Variants in INO80 observed in about 807,000 individuals in gnomAD.
INO80 encodes chromatin-remodeling ATPase INO80.
INO80 carries 20 observed loss-of-function variants against 203.4 expected under a neutral mutation model. The observed-to-expected ratio is 0.10, with a 90% CI of 0.07 to 0.14. The LOEUF is 0.14. Among genes scored for constraint, INO80 ranks in the 10% least tolerant of loss-of-function variants. The pLI is 1.00. For synonymous variants in INO80, 726 were observed against 685.2 expected, an observed-to-expected ratio of 1.06 and a Z score of -0.93; for missense variants, 1,419 against 1,914.4, an observed-to-expected ratio of 0.74 and a Z score of 4.83.
intron 28 of INO80, among the ~76,000 whole-genome samples, chr15:40,998,212 G>A (rs1210791726): frequency 1.3e-5 from 2 of 151,722 alleles, no homozygotes; most frequent in East Asian, 1.9e-4. Context: ...TAGTAGAGAC[G>A]GGGTTTCATC....
chr15:41,004,836 A>ACTTTTT (rs2044014532), intron 28 of INO80: 1 of 152,184 alleles, frequency 6.6e-6, no homozygotes, highest in Admixed American at 6.5e-5. Flanking sequence ...AATAAAAGGT[A>ACTTTTT]CTTTTTCTTA....
At chr15:41,100,547 T>C (rs967875102) in intron 1 of INO80, among the ~76,000 whole-genome samples, 5 of 152,188 alleles carry the variant, frequency 3.3e-5, no homozygotes, top group Admixed American at 3.3e-4. Flanking sequence ...CCAGAAATCA[T>C]CTTTGCAGCA....
At chr15:41,114,777 T>C (rs1482199654) in intron 1 of INO80, among the ~76,000 whole-genome samples, 1 of 151,606 alleles carries the variant, frequency 6.6e-6, no homozygotes, top group East Asian at 1.9e-4. Context: ...GAAAACACCA[T>C]GTTAAGTGAA....
chr15:41,041,598 G>A (rs1428600686), intron 24 of INO80, among the ~76,000 whole-genome samples: 4 of 151,434 alleles, frequency 2.6e-5, no homozygotes, highest in Non-Finnish European at 5.9e-5. Flanking sequence ...ACACCGCCAC[G>A]CCCAGCTAAT....
At chr15:40,987,772 C>A (rs2140414503) in intron 30 of INO80, 44 bp downstream of exon 30, 2 of 1,576,140 alleles carry the variant, frequency 1.3e-6, no homozygotes, top group Non-Finnish European at 1.7e-6. Context: ...GTTGGACTTT[C>A]TGTTTGCTCC....
chr15:41,055,211 T>C (rs766253010), intron 18 of INO80, 36 bp downstream of exon 18: 37 of 1,181,402 alleles, frequency 3.1e-5, no homozygotes, highest in Middle Eastern at 3.9e-4. Context: ...CCTACACTGA[T>C]AGGTAGATAG....
chr15:41,021,696 G>A (rs2044297401), intron 25 of INO80, among the ~76,000 whole-genome samples: 1 of 152,236 alleles, frequency 6.6e-6, no homozygotes, highest in African/African-American at 2.4e-5. Context: ...ATAAACTGGG[G>A]AAGGGGGAGT....
At chr15:41,067,123 C>A (rs1398451843) in intron 14 of INO80, among the ~76,000 whole-genome samples, 2 of 152,134 alleles carry the variant, frequency 1.3e-5, no homozygotes, top group East Asian at 3.9e-4. Flanking sequence ...GTCGCCCAGG[C>A]TGGAGTGCAG....
At chr15:40,985,469 AATC>A (rs762173123) in intron 31 of INO80, 43 bp from the exon 32 acceptor site, 11 of 1,355,536 alleles carry the variant, frequency 8.1e-6, no homozygotes, top group Non-Finnish European at 1.1e-5. Context: ...TACCTGTGGT[AATC>A]ATAATCCTCA....
At chr15:41,051,727 G>A (rs1291831143) in intron 19 of INO80, among the ~76,000 whole-genome samples, 1 of 152,094 alleles carries the variant, frequency 6.6e-6, no homozygotes, top group Non-Finnish European at 1.5e-5. Context: ...GGCCGAGGTG[G>A]GTGGATCACG....
intron 1 of INO80, among the ~76,000 whole-genome samples, chr15:41,100,565 A>C (rs1227759998): frequency 6.6e-6 from 1 of 152,112 alleles, no homozygotes. Context: ...GCATATCACC[A>C]CTGATGGCTG....
intron 28 of INO80, among the ~76,000 whole-genome samples, chr15:41,000,212 G>A (rs1009508802): frequency 3.3e-5 from 5 of 152,120 alleles, no homozygotes; most frequent in African/African-American, 1.2e-4. Context: ...GCTCCTCTCT[G>A]ATACCTGCGT....
intron 1 of INO80, among the ~76,000 whole-genome samples, chr15:41,109,956 G>A (rs909494436): frequency 5.3e-5 from 8 of 150,328 alleles, no homozygotes; most frequent in East Asian, 2.0e-4. Context: ...CTGTCCAGGC[G>A]TGGTGATGGG....
chr15:40,985,534 C>CT, intron 31 of INO80, 108 bp from the exon 32 acceptor site: 1 of 842,796 alleles, frequency 1.2e-6, no homozygotes, highest in Non-Finnish European at 2.0e-6. Flanking sequence ...CCAAGTATCA[C>CT]TTCTATCTGT....
At chr15:41,052,716 G>A (rs890605585) in intron 19 of INO80, among the ~76,000 whole-genome samples, 1 of 150,780 alleles carries the variant, frequency 6.6e-6, no homozygotes, top group Non-Finnish European at 1.5e-5. Context: ...GGGAAAAAAC[G>A]GAGGGAGAGA....
chr15:40,982,251 A>G (rs1194533231), intron 35 of INO80, among the ~76,000 whole-genome samples: 1 of 152,162 alleles, frequency 6.6e-6, no homozygotes, highest in Non-Finnish European at 1.5e-5. Context: ...GGTTCAGTCA[A>G]TTCTCGTGCC....
intron 9 of INO80, among the ~76,000 whole-genome samples, chr15:41,079,093 C>G (rs368177336): frequency 7.0e-4 from 106 of 152,240 alleles, no homozygotes; most frequent in African/African-American, 2.5e-3. Context: ...GCCGAGATTA[C>G]GCCACTGCAC....
At chr15:41,097,519 C>T (rs1374291322) in intron 1 of INO80, among the ~76,000 whole-genome samples, 2 of 151,944 alleles carry the variant, frequency 1.3e-5, no homozygotes, top group South Asian at 2.1e-4. Flanking sequence ...GACGGAGTTT[C>T]GCTCTTGCAG....
intron 35 of INO80, among the ~76,000 whole-genome samples, chr15:40,981,720 T>C (rs1893839125): frequency 6.6e-6 from 1 of 152,216 alleles, no homozygotes; most frequent in Non-Finnish European, 1.5e-5. Flanking sequence ...ACTTTATAGC[T>C]ACAATCATCC....
Sources: allele counts gnomAD v4.1 joint callset (sites outside exome capture counted in the v4.1 genomes callset), GRCh38; gene constraint gnomAD v4.1.1; transcripts MANE v1.5; gene names NCBI Gene and HGNC (gene_info 2026-07-23, HGNC 2026-07-21).